Variants in AKNA observed in about 807,000 individuals in gnomAD.
AKNA encodes AT-hook transcription factor, also known as microtubule organization protein AKNA.
Under a neutral mutation model 138.8 loss-of-function variants are expected in AKNA, and 67 were observed. That is an observed-to-expected ratio of 0.48 (90% CI 0.40 to 0.59). The LOEUF is 0.59. Ranked by LOEUF, AKNA falls within the 20% of genes least tolerant of loss-of-function variation. AKNA has a pLI of 0.00. For missense variants in AKNA, 1,813 were observed against 1,880.4 expected (o/e 0.96, Z 0.66); for synonymous variants, 737 against 754.4 (o/e 0.98, Z 0.38).
intron 21 of AKNA, among the ~76,000 whole-genome samples, chr9:114,339,538 G>C (rs1830202118): frequency 6.6e-6 from 1 of 152,214 alleles, no homozygotes; most frequent in Non-Finnish European, 1.5e-5. Flanking sequence ...ATCCTGAGTT[G>C]GAAACAGCAA....
At chr9:114,352,864 T>A (rs1831228345) in intron 14 of AKNA, among the ~76,000 whole-genome samples, 1 of 151,236 alleles carries the variant, frequency 6.6e-6, no homozygotes, top group East Asian at 1.9e-4. Flanking sequence ...GATGTTGCAG[T>A]GAGCAGAGAG....
At chr9:114,396,043 T>C (rs1030286164), upstream of AKNA, among the ~76,000 whole-genome samples, 1 of 152,118 alleles carries the variant, frequency 6.6e-6, no homozygotes, top group Non-Finnish European at 1.5e-5. Flanking sequence ...TAACACCCAC[T>C]TCGACAACAT....
chr9:114,330,695 A>G, downstream of AKNA: 1 of 1,599,420 alleles, frequency 6.3e-7, no homozygotes, highest in Non-Finnish European at 8.6e-7. Context: ...GTTGGCTTTA[A>G]TCTCCACCAG....
intron 14 of AKNA, among the ~76,000 whole-genome samples, chr9:114,354,699 C>T (rs1394742324): frequency 3.1e-5 from 4 of 129,188 alleles, no homozygotes; most frequent in Non-Finnish European, 6.2e-5. Context: ...GGTGAAAGAG[C>T]GAGACTCTGT....
At chr9:114,372,346 G>A (rs1211261417) in intron 4 of AKNA, among the ~76,000 whole-genome samples, 3 of 152,062 alleles carry the variant, frequency 2.0e-5, no homozygotes, top group Non-Finnish European at 1.5e-5. Flanking sequence ...GGGGGACCCT[G>A]AGTCCTACTG....
At chr9:114,360,839 C>A (rs1342877049) in intron 9 of AKNA, among the ~76,000 whole-genome samples, 2 of 152,190 alleles carry the variant, frequency 1.3e-5, no homozygotes, top group African/African-American at 4.8e-5. Flanking sequence ...GATTGTCTCT[C>A]AAGGGGTTGT....
At chr9:114,331,945 T>C (rs773443203), downstream of AKNA, 2 of 1,609,886 alleles carry the variant, frequency 1.2e-6, no homozygotes, top group East Asian at 4.5e-5. Context: ...CGCAAGGGAT[T>C]GGACAGTGCC....
chr9:114,387,704 G>C (rs867112636), intron 1 of AKNA, among the ~76,000 whole-genome samples, 156 bp downstream of exon 1: 1 of 152,162 alleles, frequency 6.6e-6, no homozygotes, highest in Non-Finnish European at 1.5e-5. Flanking sequence ...CCTGGAGGCC[G>C]GGATCCCCTA....
intron 17 of AKNA, 120 bp from the exon 18 acceptor site, chr9:114,346,129 C>T (rs1370238925): frequency 6.0e-6 from 6 of 1,007,486 alleles, no homozygotes; most frequent in Non-Finnish European, 8.8e-6. Flanking sequence ...TCCCCAGTCT[C>T]CCCCTTAGGA....
chr9:114,341,917 C>CG (rs1830382508), intron 20 of AKNA, 92 bp downstream of exon 20: 1 of 1,375,564 alleles, frequency 7.3e-7, no homozygotes, highest in South Asian at 1.2e-5. Context: ...ACTGGAACAA[C>CG]AGCTGCTCCA....
chr9:114,387,567 C>T (rs573686572), intron 1 of AKNA, among the ~76,000 whole-genome samples: 1 of 152,358 alleles, frequency 6.6e-6, no homozygotes, highest in East Asian at 1.9e-4. Context: ...TCTCCAGGTG[C>T]AGACGACGAC....
At chr9:114,338,370 G>A (rs1830129936) in intron 21 of AKNA, among the ~76,000 whole-genome samples, 1 of 152,242 alleles carries the variant, frequency 6.6e-6, no homozygotes, top group Non-Finnish European at 1.5e-5. Flanking sequence ...AGGACAGATA[G>A]CAACAAGTGT....
chr9:114,376,394 C>T, intron 3 of AKNA, 72 bp downstream of exon 3: 1 of 1,532,674 alleles, frequency 6.5e-7, no homozygotes, highest in Non-Finnish European at 9.0e-7. Context: ...CAGGCCTCCC[C>T]ACCCCAATTA....
At chr9:114,377,763 T>TG in intron 2 of AKNA, 2 of 562,678 alleles carry the variant, frequency 3.6e-6, no homozygotes, top group South Asian at 5.0e-5. Flanking sequence ...GTCCCTCCAG[T>TG]GTCTCCCATC....
At position 114,366,800 on chromosome 9, in the gene AKNA, T is replaced by C. The variant is rs575001667; in HGVS notation, c.1728+743A>G. The stretch of plus-strand genomic sequence containing the variant: ...ATGGTGGTGCTTCTGAAAGAATTTG[T>C]TTTATGGGCATGGTAGTGCATGTAA... On this transcript the variant is annotated intron_variant, in intron 6 of 21. Coordinates refer to ENST00000374088, the MANE Select transcript of AKNA (RefSeq NM_001317950.2). Among the ~76,000 whole-genome samples, 12 of 152,168 alleles carry C rather than the reference T, an allele frequency of 7.9e-5. No individual in the cohort carries two copies. The South Asian group carries it at 2.5e-3, about 32-fold the overall frequency.
intron 4 of AKNA, among the ~76,000 whole-genome samples, chr9:114,371,649 AC>A (rs1018599634): frequency 6.6e-6 from 1 of 152,046 alleles, no homozygotes; most frequent in Admixed American, 6.5e-5. Flanking sequence ...CTCAAATATG[AC>A]CCTGAAGCTG....
intron 20 of AKNA, 51 bp downstream of exon 20, chr9:114,341,958 T>C: frequency 6.5e-7 from 1 of 1,541,762 alleles, no homozygotes; most frequent in Non-Finnish European, 9.0e-7. Flanking sequence ...ATAACCCTGG[T>C]CAAGGAGAGC....
At position 114,376,526 on chromosome 9, in the gene AKNA, G is replaced by C. The variant is rs770091316; in HGVS notation, c.1281C>G (p.Thr427=). The C allele has an allele frequency of 1.2e-6, 2 of 1,614,054 alleles. No homozygotes were observed. The highest frequency in any genetic ancestry group is 1.7e-6 in the Non-Finnish European group (2 of 1,179,988). Residue 427 remains threonine (T), a synonymous_variant, in exon 3 of 22, where the codon ACC becomes ACG. Transcript: ENST00000374088. ...AKDTPPAHPI[T]RVPQEFQTPE... ...GCGTCTGAAATTCTTGGGGTACCCT[G>C]GTGATAGGGTGGGCAGGAGGCGTGT...
At chr9:114,346,107 C>T (rs1000133345) in intron 17 of AKNA, 98 bp from the exon 18 acceptor site, 1 of 1,278,318 alleles carries the variant, frequency 7.8e-7, no homozygotes, top group African/African-American at 1.5e-5. Flanking sequence ...GGGGTGGATG[C>T]CTGGGTTTTA....
Sources: gnomAD v4.1 joint callset for allele counts (sites outside exome capture counted in the v4.1 genomes callset) on GRCh38, gnomAD v4.1.1 for gene constraint, MANE v1.5 for transcripts, NCBI Gene and HGNC (gene_info 2026-07-23, HGNC 2026-07-21) for gene names.